CSMD1: variants seen among roughly 807,000 people sequenced by gnomAD.
CSMD1 encodes the protein CUB and Sushi multiple domains 1, also known as CUB and sushi domain-containing protein 1.
In CSMD1, 213 loss-of-function variants were observed where a neutral mutation model predicts 417.5. That is an observed-to-expected ratio of 0.51 (90% confidence interval 0.46 to 0.57). The LOEUF is 0.57. Among genes scored for constraint, CSMD1 ranks in the 20% least tolerant of loss-of-function variants. The pLI is 0.00. For synonymous variants in CSMD1, 2,862 were observed against 1,736.8 expected (o/e 1.65, Z -16.11); for missense variants, 6,923 against 4,529.7 (o/e 1.53, Z -15.17).
intron 41 of CSMD1, among the ~76,000 whole-genome samples, chr8:3,139,602 G>A (rs1014366662): frequency 6.6e-6 from 1 of 152,148 alleles, no homozygotes; most frequent in Non-Finnish European, 1.5e-5. Context: ...TAGAAATTGA[G>A]AATGTTTACA....
intron 7 of CSMD1, among the ~76,000 whole-genome samples, chr8:3,665,512 G>A (rs1003584151): frequency 6.6e-6 from 1 of 152,156 alleles, no homozygotes; most frequent in South Asian, 2.1e-4. Context: ...CTGGGCGACA[G>A]AGCGAGACTC....
At chr8:4,448,800 G>A (rs762851665) in intron 2 of CSMD1, among the ~76,000 whole-genome samples, 16 of 152,252 alleles carry the variant, frequency 1.1e-4, no homozygotes, top group Middle Eastern at 3.4e-3. Flanking sequence ...TGCAGAAGGA[G>A]ACAGAAACCT....
intron 5 of CSMD1, among the ~76,000 whole-genome samples, chr8:3,965,450 C>T (rs2554505): frequency 6.6e-5 from 10 of 151,990 alleles, no homozygotes; most frequent in East Asian, 1.9e-4. Context: ...AATGTTTATG[C>T]GTAGAATTCT....
At chr8:3,513,361 A>T (rs1187047297) in intron 10 of CSMD1, among the ~76,000 whole-genome samples, 2 of 142,760 alleles carry the variant, frequency 1.4e-5, no homozygotes, top group Non-Finnish European at 3.0e-5. Flanking sequence ...TTTGAGATGG[A>T]GTCTTACTTT....
At chr8:3,919,799 A>T (rs576622234) in intron 5 of CSMD1, among the ~76,000 whole-genome samples, 1 of 152,038 alleles carries the variant, frequency 6.6e-6, no homozygotes, top group Admixed American at 6.6e-5. Flanking sequence ...TGTGTTTTCA[A>T]TTTTCTTCAT....
intron 23 of CSMD1, among the ~76,000 whole-genome samples, chr8:3,322,397 C>T (rs1806208331): frequency 6.6e-6 from 1 of 152,114 alleles, no homozygotes; most frequent in Non-Finnish European, 1.5e-5. Context: ...CTTAGTATTT[C>T]CTTCAAATCT....
chr8:4,318,118 T>G (rs546511779), intron 3 of CSMD1, among the ~76,000 whole-genome samples: 1 of 152,158 alleles, frequency 6.6e-6, no homozygotes, highest in Non-Finnish European at 1.5e-5. Context: ...CATTCCAAAA[T>G]TTTATGCAAC....
chr8:3,501,755 T>G (rs547942143), intron 10 of CSMD1, among the ~76,000 whole-genome samples: 62 of 152,296 alleles, frequency 4.1e-4, no homozygotes, highest in Admixed American at 2.3e-3. Flanking sequence ...GAAGAACGAT[T>G]ACACATTTTA....
chr8:4,658,867 G>T (rs574648345), intron 1 of CSMD1, among the ~76,000 whole-genome samples: 1 of 152,106 alleles, frequency 6.6e-6, no homozygotes, highest in Non-Finnish European at 1.5e-5. Context: ...GGGGTTGGGA[G>T]TCTAGAGCTA....
chr8:3,176,174 T>C (rs541566275), intron 37 of CSMD1, among the ~76,000 whole-genome samples: 3 of 152,198 alleles, frequency 2.0e-5, no homozygotes, highest in Non-Finnish European at 4.4e-5. Context: ...GTGAAAAATA[T>C]GATTATTAAA....
chr8:3,221,312 G>T (rs559519680), intron 28 of CSMD1, among the ~76,000 whole-genome samples: 2 of 152,254 alleles, frequency 1.3e-5, no homozygotes, highest in East Asian at 3.9e-4. Context: ...GTTCACTGAC[G>T]TCAGGAATGA....
intron 5 of CSMD1, among the ~76,000 whole-genome samples, chr8:3,927,120 T>A (rs918513231): frequency 2.0e-5 from 3 of 152,104 alleles, no homozygotes; most frequent in Middle Eastern, 3.4e-3. Context: ...TAACTGAGAA[T>A]AATATAAATT....
Position 4,742,281 on chromosome 8 carries a change from C to T in CSMD1, c.86-104723G>A, listed in dbSNP as rs890345879. ...TCCTGACCTCATGATCCACCCGCCT[C>T]GGCCTCCCAAAGTGCTGAGATTATA... On this transcript the variant is annotated intron_variant, in intron 1 of 69. Transcript: ENST00000635120. Among the ~76,000 whole-genome samples the T allele has an allele frequency of 3.3e-5, 5 of 151,698 alleles. No homozygotes were observed. In the South Asian group the frequency reaches 1.0e-3, roughly 32 times the overall value.
At chr8:2,995,417 G>C (rs1360074730) in intron 54 of CSMD1, among the ~76,000 whole-genome samples, 2 of 152,188 alleles carry the variant, frequency 1.3e-5, no homozygotes, top group Non-Finnish European at 2.9e-5. Context: ...AGGATGTAGA[G>C]AAACTTCATC....
chr8:4,123,616 A>AT (rs1371976844), intron 3 of CSMD1, among the ~76,000 whole-genome samples: 2 of 152,174 alleles, frequency 1.3e-5, no homozygotes, highest in African/African-American at 4.8e-5. Context: ...AAAAAAAGTC[A>AT]TTTTTCCTTT....
chr8:4,841,847 G>T (rs1481754507), intron 1 of CSMD1, among the ~76,000 whole-genome samples: 2 of 129,004 alleles, frequency 1.6e-5, no homozygotes, highest in African/African-American at 5.5e-5. Flanking sequence ...GGAGGTGGAG[G>T]TTACAGTGAG....
chr8:3,499,183 G>C (rs1394523823), intron 10 of CSMD1, among the ~76,000 whole-genome samples: 2 of 152,174 alleles, frequency 1.3e-5, no homozygotes, highest in Non-Finnish European at 2.9e-5. Flanking sequence ...CATAGTGTCA[G>C]TTGGGTAGGG....
intron 16 of CSMD1, among the ~76,000 whole-genome samples, chr8:3,398,064 T>C (rs1585104696): frequency 6.6e-6 from 1 of 152,102 alleles, no homozygotes; most frequent in African/African-American, 2.4e-5. Flanking sequence ...CAATACTGAA[T>C]GAATGAGATT....
At chr8:4,115,561 T>C (rs12164173) in intron 3 of CSMD1, among the ~76,000 whole-genome samples, 1 of 152,098 alleles carries the variant, frequency 6.6e-6, no homozygotes, top group African/African-American at 2.4e-5. Flanking sequence ...AATTTATTAT[T>C]TGGCTAATAA....
Sources: allele counts gnomAD v4.1 joint callset (sites outside exome capture counted in the v4.1 genomes callset), GRCh38; gene constraint gnomAD v4.1.1; transcripts MANE v1.5; gene names NCBI Gene and HGNC (gene_info 2026-07-23, HGNC 2026-07-21).